The following CERS6 variants were observed in gnomAD, a reference collection of about 807,000 sequenced individuals.
The protein encoded by CERS6 is ceramide synthase 6.
A neutral mutation model predicts 56.8 loss-of-function variants in CERS6; 26 were observed. The observed-to-expected ratio is 0.46, with a 90% CI of 0.34 to 0.63. The LOEUF is 0.63. Among genes scored for constraint, CERS6 ranks in the 30% least tolerant of loss-of-function variants. The pLI is 0.01. For missense variants in CERS6, 415 were observed against 467.5 expected, an observed-to-expected ratio of 0.89 and a Z score of 1.04; for synonymous variants, 164 against 173.3, an observed-to-expected ratio of 0.95 and a Z score of 0.42.
chr2:168,728,601 G>A (rs1008426553), intron 8 of CERS6, among the ~76,000 whole-genome samples: 1 of 151,192 alleles, frequency 6.6e-6, no homozygotes, highest in Non-Finnish European at 1.5e-5. Context: ...TGACCAGGCT[G>A]GTCTCGAACT....
chr2:168,469,389 G>A (rs992832651), intron 1 of CERS6, among the ~76,000 whole-genome samples: 1 of 152,218 alleles, frequency 6.6e-6, no homozygotes, highest in East Asian at 1.9e-4. Flanking sequence ...GACATTTGTG[G>A]TGGGTTGTCT....
intron 4 of CERS6, among the ~76,000 whole-genome samples, chr2:168,652,148 C>T (rs1028154830): frequency 2.6e-5 from 4 of 151,194 alleles, no homozygotes; most frequent in Admixed American, 6.6e-5. Flanking sequence ...TGGGCTGTTA[C>T]GACTCTAATC....
At chr2:168,759,459 C>T (rs1239024148) in intron 8 of CERS6, among the ~76,000 whole-genome samples, 1 of 152,106 alleles carries the variant, frequency 6.6e-6, no homozygotes. Flanking sequence ...GTCTCAGGTC[C>T]CTTCTGCCTC....
chr2:168,720,766 G>A (rs1415952663), intron 8 of CERS6, among the ~76,000 whole-genome samples: 1 of 152,094 alleles, frequency 6.6e-6, no homozygotes, highest in African/African-American at 2.4e-5. Flanking sequence ...TTTATTTAAC[G>A]TGAAAAGAGA....
chr2:168,545,654 G>A (rs113279803), intron 1 of CERS6, among the ~76,000 whole-genome samples: 394 of 152,268 alleles, frequency 2.6e-3, no homozygotes, highest in Non-Finnish European at 4.7e-3. Flanking sequence ...ACTCAACACC[G>A]TGATAGCAAC....
chr2:168,701,387 G>A (rs901516394), intron 6 of CERS6, among the ~76,000 whole-genome samples: 2 of 152,154 alleles, frequency 1.3e-5, no homozygotes, highest in Non-Finnish European at 2.9e-5. Flanking sequence ...TTCAGGAGGT[G>A]TGCAAGGGCA....
intron 4 of CERS6, among the ~76,000 whole-genome samples, chr2:168,681,822 A>G (rs1163392966): frequency 1.3e-5 from 2 of 152,170 alleles, no homozygotes; most frequent in African/African-American, 4.8e-5. Context: ...AGTAACCACT[A>G]TTCTATACTC....
At position 168,746,802 on chromosome 2, in the gene CERS6, TATATATATATATATATATAA is replaced by T. The variant is rs1183931690; in HGVS notation, c.846-18788_846-18769del. Among the ~76,000 whole-genome samples the T allele has an allele frequency of 4.8e-4, 52 of 108,594 alleles. 1 individual carries two copies. Among genetic ancestry groups the T allele is most frequent in the South Asian group, 1.2e-3 (4 of 3,314 alleles). The allele number at this position is 108,594 out of a possible 152,430, so 71.2% of individuals were successfully genotyped here. On this transcript the variant is annotated intron_variant, in intron 8 of 9. Coordinates refer to ENST00000305747, the MANE Select transcript of CERS6 (RefSeq NM_203463.3). ...ATATATATATATATATATATATATA[TATATATATATATATATATAA>T]AATCATCTTTGAAAAAATGATTATA...
chr2:168,761,858 A>AT (rs559260967), intron 8 of CERS6, among the ~76,000 whole-genome samples: 30 of 152,234 alleles, frequency 2.0e-4, no homozygotes, highest in African/African-American at 6.5e-4. Context: ...TAATTTAGTC[A>AT]TTTTTACAAA....
At chr2:168,665,339 A>G (rs1361752125) in intron 4 of CERS6, among the ~76,000 whole-genome samples, 1 of 152,170 alleles carries the variant, frequency 6.6e-6, no homozygotes, top group African/African-American at 2.4e-5. Flanking sequence ...TGGGTATAAC[A>G]TAAGTTATTT....
chr2:168,585,328 G>A (rs959858248), intron 3 of CERS6, among the ~76,000 whole-genome samples: 1 of 152,226 alleles, frequency 6.6e-6, no homozygotes, highest in African/African-American at 2.4e-5. Context: ...TGGGCAATAG[G>A]TGCAGGAGAC....
At chr2:168,477,761 G>T (rs1694106094) in intron 1 of CERS6, among the ~76,000 whole-genome samples, 1 of 152,186 alleles carries the variant, frequency 6.6e-6, no homozygotes, top group Admixed American at 6.5e-5. Context: ...GCTCACTGAA[G>T]GAAAGTTTCT....
At chr2:168,755,596 A>G (rs1054864443) in intron 8 of CERS6, among the ~76,000 whole-genome samples, 1 of 152,184 alleles carries the variant, frequency 6.6e-6, no homozygotes, top group Non-Finnish European at 1.5e-5. Context: ...TGCTATTTAA[A>G]TTGTTAAAAT....
intron 2 of CERS6, among the ~76,000 whole-genome samples, chr2:168,558,424 A>G (rs562602416): frequency 6.6e-6 from 1 of 152,236 alleles, no homozygotes; most frequent in South Asian, 2.1e-4. Flanking sequence ...AGGGTGTTCT[A>G]TATATAGTGA....
At chr2:168,560,564 C>A (rs762647525) in intron 2 of CERS6, among the ~76,000 whole-genome samples, 1 of 151,732 alleles carries the variant, frequency 6.6e-6, no homozygotes, top group African/African-American at 2.4e-5. Flanking sequence ...GTAAAAGACT[C>A]GATGTGGGAT....
At chr2:168,641,662 AC>A (rs1353235375) in intron 4 of CERS6, among the ~76,000 whole-genome samples, 1 of 152,210 alleles carries the variant, frequency 6.6e-6, no homozygotes, top group Non-Finnish European at 1.5e-5. Flanking sequence ...TATGTAAAGC[AC>A]CTTGTTTCGT....
intron 1 of CERS6, among the ~76,000 whole-genome samples, chr2:168,525,601 A>G (rs1336128217): frequency 6.6e-6 from 1 of 152,226 alleles, no homozygotes; most frequent in African/African-American, 2.4e-5. Context: ...TAAACATTCA[A>G]TGGGCTTTTG....
chr2:168,598,772 G>C (rs1683864085), intron 3 of CERS6, among the ~76,000 whole-genome samples: 1 of 152,062 alleles, frequency 6.6e-6, no homozygotes, highest in South Asian at 2.1e-4. Flanking sequence ...GTTTAAAGTG[G>C]TGTCAAATAT....
At position 168,561,238 on chromosome 2, in the gene CERS6, G is replaced by C; in HGVS notation, c.323G>C (p.Trp108Ser). ...GAAGGCCTCTCCAAGCAACTGGACT[G>C]GGATGTTCGAAGCATTCAGCGCTGG... Reference protein sequence around the residue: ...RLEGLSKQLDWDVRSIQRWFR... With the variant: ...RLEGLSKQLDSDVRSIQRWFR... The change falls in exon 3 of 10, where the codon TGG becomes TCG. Residue 108 changes from tryptophan to serine, a missense_variant. Coordinates refer to ENST00000305747, the MANE Select transcript of CERS6 (RefSeq NM_203463.3). 6.2e-7 allele frequency: 1 copy of C among 1,614,080 alleles called. No homozygotes were observed. The highest frequency in any genetic ancestry group is 8.5e-7 in the Non-Finnish European group (1 of 1,179,914).
Sources: gnomAD v4.1 joint callset for allele counts (sites outside exome capture counted in the v4.1 genomes callset) on GRCh38, gnomAD v4.1.1 for gene constraint, MANE v1.5 for transcripts, NCBI Gene and HGNC (gene_info 2026-07-23, HGNC 2026-07-21) for gene names.